PTPRA: variants seen among roughly 807,000 people sequenced by gnomAD.
The protein encoded by PTPRA is protein tyrosine phosphatase receptor type A, also known as receptor-type tyrosine-protein phosphatase alpha.
A neutral mutation model predicts 104.8 loss-of-function variants in PTPRA; 25 were observed. That is an observed-to-expected ratio of 0.24 (90% CI 0.17 to 0.33). The LOEUF (loss-of-function observed/expected upper bound fraction) is 0.33, where lower values mean the gene tolerates loss of function less well. Among genes scored for constraint, PTPRA ranks in the 10% least tolerant of loss-of-function variants. The pLI is 1.00. For synonymous variants in PTPRA, 323 were observed against 368.9 expected, an observed-to-expected ratio of 0.88 and a Z score of 1.43; for missense variants, 765 against 1,015.3, an observed-to-expected ratio of 0.75 and a Z score of 3.35.
chr20:2,894,200 A>G (rs2058904590), intron 1 of PTPRA, among the ~76,000 whole-genome samples: 1 of 152,106 alleles, frequency 6.6e-6, no homozygotes. Flanking sequence ...AGTTTTGCAG[A>G]TTTTCTTTTC....
In PTPRA at chr20:2,988,486, G is replaced by A. The variant is rs753115027; in HGVS notation, c.738+12G>A. 3 of 1,611,140 alleles carry A rather than the reference G, an allele frequency of 1.9e-6. No individual in the cohort carries two copies. In the Admixed American group the frequency reaches 5.1e-5, roughly 27 times the overall value. On this transcript the variant is annotated intron_variant, in intron 9 of 23. Transcript: ENST00000399903. ...GGGAGGAATTCAACGTGAGTACTTT[G>A]TTGAGGCTGGTGTATCAGCAGGGAA...
chr20:2,910,920 CTTT>C (rs11473733), intron 1 of PTPRA, among the ~76,000 whole-genome samples: 3 of 131,186 alleles, frequency 2.3e-5, no homozygotes, highest in Admixed American at 8.1e-5. Flanking sequence ...TTTATTTTAA[CTTT>C]TTTTTTTTTT....
chr20:2,893,258 G>A (rs1229838123), intron 1 of PTPRA, among the ~76,000 whole-genome samples: 1 of 152,208 alleles, frequency 6.6e-6, no homozygotes, highest in African/African-American at 2.4e-5. Flanking sequence ...CCATACTAAA[G>A]ATCTTACACT....
the PTPRA span, chr20:2,866,072 G>C: frequency 1.4e-6 from 1 of 730,656 alleles, no homozygotes; most frequent in Non-Finnish European, 2.3e-6. Context: ...GTGCATGGGG[G>C]TTGGGGGATT....
chr20:2,909,915 G>GACATATATATA (rs2059581135), intron 1 of PTPRA, among the ~76,000 whole-genome samples: 1 of 120,476 alleles, frequency 8.3e-6, no homozygotes, highest in African/African-American at 3.6e-5. Flanking sequence ...ACATATATAT[G>GACATATATATA]TTATATATTG....
chr20:3,029,272 T>C (rs638862), intron 20 of PTPRA, among the ~76,000 whole-genome samples: 91,801 of 151,430 alleles, frequency 0.61, 29,289 homozygotes, highest in East Asian at 0.8. Context: ...TCCAAGTAGC[T>C]AGGACTAAAG....
At chr20:2,957,814 A>G (rs562639267) in intron 3 of PTPRA, among the ~76,000 whole-genome samples, 51 of 152,270 alleles carry the variant, frequency 3.3e-4, no homozygotes, top group Middle Eastern at 3.4e-3. Flanking sequence ...GTTAGAGGGG[A>G]GAGGAGGTTT....
intron 3 of PTPRA, among the ~76,000 whole-genome samples, chr20:2,952,187 A>G (rs930245344): frequency 6.6e-6 from 1 of 152,134 alleles, no homozygotes; most frequent in Non-Finnish European, 1.5e-5. Context: ...ATTTGCAACA[A>G]CAATGTCTGA....
chr20:3,029,378 T>C (rs2065309139), intron 20 of PTPRA, among the ~76,000 whole-genome samples: 1 of 151,896 alleles, frequency 6.6e-6, no homozygotes. Context: ...TGGGCTCAAT[T>C]GATCCACCCA....
In PTPRA at chr20:2,948,951, CA is replaced by C. The variant is rs534508301; in HGVS notation, c.-7+938del. 1.6e-3 allele frequency among the ~76,000 whole-genome samples: 234 copies of C among 144,286 alleles called. 4 individuals are homozygous for C. The South Asian group carries it at 0.031, about 19-fold the overall frequency. The allele number at this position is 144,286 out of a possible 152,430, so 94.7% of individuals were successfully genotyped here. A position where few individuals can be genotyped will look rare whatever the true frequency, so the allele number is the denominator to read the frequency against. ...TGGGTGACAGAGCGAGACTCCGTCT[CA>C]AAAAAAAAAAGTAAATAAAAATAAA... On this transcript the variant is annotated intron_variant, in intron 3 of 23. Transcript: ENST00000399903.
intron 1 of PTPRA, among the ~76,000 whole-genome samples, chr20:2,897,384 CTTT>C (rs60627339): frequency 2.8e-5 from 3 of 108,928 alleles, no homozygotes; most frequent in Non-Finnish European, 3.6e-5. Context: ...CTTGGCATTT[CTTT>C]TTTTTTTTTT....
intron 13 of PTPRA, 135 bp from the exon 14 acceptor site, chr20:3,021,174 C>G: frequency 8.2e-7 from 1 of 1,215,758 alleles, no homozygotes; most frequent in Non-Finnish European, 1.2e-6. Context: ...GTGCAACTGA[C>G]TGAGATAGAG....
chr20:2,890,494 G>A lies in PTPRA; in HGVS notation c.-129+16734G>A, dbSNP rs557391614. On this transcript the variant is annotated intron_variant, in intron 1 of 23. Coordinates refer to ENST00000399903, the MANE Select transcript of PTPRA (RefSeq NM_001385305.1). The stretch of plus-strand genomic sequence containing the variant: ...TGCTTAGCACAGTTCTTAGCACATA[G>A]TAAATCTTTAATAAATGTTAGAAAA... 2.6e-4 allele frequency among the ~76,000 whole-genome samples: 40 copies of A among 152,304 alleles called. No individual in the cohort carries two copies. The Middle Eastern group carries it at 0.01, about 39-fold the overall frequency.
At chr20:2,957,971 A>G (rs1025472858) in intron 3 of PTPRA, among the ~76,000 whole-genome samples, 1 of 151,654 alleles carries the variant, frequency 6.6e-6, no homozygotes, top group East Asian at 1.9e-4. Flanking sequence ...TTTAAGCAGC[A>G]TCTGGCAGTC....
In PTPRA at chr20:2,927,949, G is replaced by A. The variant is rs375536403; in HGVS notation, c.-50+4664G>A. On this transcript the variant is annotated intron_variant, in intron 2 of 23. Transcript: ENST00000399903. ...TGCTTGAACCCGGGTGGTGGAGGTT[G>A]CAGTGAGCCAAGATCATACCATTGC... Among the ~76,000 whole-genome samples, 32 of 152,146 alleles carry A rather than the reference G, an allele frequency of 2.1e-4. No homozygotes were observed. The East Asian group carries it at 3.5e-3, about 17-fold the overall frequency.
chr20:2,864,801 G>T, the PTPRA span: 1 of 1,151,564 alleles, frequency 8.7e-7, no homozygotes, highest in Non-Finnish European at 1.3e-6. This position sits in a 1 kb window ranked among gnomAD's most constrained non-coding sequence, Gnocchi z 5.2. Flanking sequence ...AGGCCAGGAT[G>T]GGGGTTAGTG....
chr20:2,991,120 A>C (rs1489465621), intron 9 of PTPRA, among the ~76,000 whole-genome samples: 1 of 152,134 alleles, frequency 6.6e-6, no homozygotes, highest in African/African-American at 2.4e-5. Context: ...TTGGGAGGCC[A>C]AGCCAGGCAG....
Position 2,873,745 on chromosome 20 carries a change from C to G in PTPRA, c.-144C>G, listed in dbSNP as rs1457474549. The G allele has an allele frequency of 2.0e-5, 3 of 151,924 alleles. No homozygotes were observed. The highest frequency in any genetic ancestry group is 2.9e-5 in the Non-Finnish European group (2 of 67,936). 9.4% of individuals were successfully genotyped at this position (151,924 alleles called of 1,614,324 possible). On this transcript the variant is annotated 5_prime_UTR_variant, in exon 1 of 24. Transcript: ENST00000399903. This position sits in a 1 kb window ranked among gnomAD's most constrained non-coding sequence, Gnocchi z 4.4. ...GCTGTCCTCGTCCCCAGCGGTCCCGCCCAACGCCCGACTCTGTGAGTGTTC... is the reference window on the plus strand; with the variant it reads ...GCTGTCCTCGTCCCCAGCGGTCCCGGCCAACGCCCGACTCTGTGAGTGTTC...
Position 3,017,849 on chromosome 20 carries a change from G to T in PTPRA, c.977G>T (p.Arg326Leu). ...GAAGAAACGGTGAATGATTTCTGGC[G>T]GATGATCTGGGAACAAAACACAGCC... is the stretch of plus-strand genomic sequence containing the variant. ...PKEETVNDFW[R>L]MIWEQNTATI... Residue 326 changes from arginine to leucine, a missense_variant, in exon 13 of 24, where the codon CGG (arginine) becomes CTG (leucine). By Grantham distance (102) the Arg-to-Leu change is moderately radical. Coordinates refer to ENST00000399903, the MANE Select transcript of PTPRA (RefSeq NM_001385305.1). 6.2e-7 allele frequency: 1 copy of T among 1,614,116 alleles called. No homozygotes were observed.
Sources: gnomAD v4.1 joint callset for allele counts (sites outside exome capture counted in the v4.1 genomes callset) on GRCh38, gnomAD v4.1.1 for gene constraint, Gnocchi (gnomAD v3.1) non-coding constraint, MANE v1.5 for transcripts, NCBI Gene and HGNC (gene_info 2026-07-23, HGNC 2026-07-21) for gene names.